Variants in SEMA6D observed in about 807,000 individuals in gnomAD.
The protein encoded by SEMA6D is semaphorin 6D.
SEMA6D carries 35 observed loss-of-function variants against 106.6 expected under a neutral mutation model. That is an observed-to-expected ratio of 0.33 (90% CI 0.25 to 0.44). SEMA6D has a LOEUF of 0.44. Ranked by LOEUF, SEMA6D falls within the 20% of genes least tolerant of loss-of-function variation. SEMA6D has a pLI of 1.00. For missense variants in SEMA6D, 1,185 were observed against 1,345.9 expected (o/e 0.88, Z 1.87); for synonymous variants, 499 against 487.7 (o/e 1.02, Z -0.31).
At chr15:47,294,802 C>T (rs1037577913) in intron 1 of SEMA6D, among the ~76,000 whole-genome samples, 55 of 152,202 alleles carry the variant, frequency 3.6e-4, no homozygotes, top group African/African-American at 1.2e-3. Flanking sequence ...GAAATGTATA[C>T]GTTGTTTAAA....
chr15:47,679,105 T>C (rs2078298973), intron 4 of SEMA6D, among the ~76,000 whole-genome samples: 2 of 152,218 alleles, frequency 1.3e-5, no homozygotes, highest in African/African-American at 2.4e-5. Flanking sequence ...GCACATAGAA[T>C]TGATTAATAT....
intron 1 of SEMA6D, chr15:47,380,440 G>C (rs1054158461): frequency 6.6e-5 from 10 of 152,118 alleles, no homozygotes; most frequent in African/African-American, 2.4e-4. Context: ...CCCCCAAAAC[G>C]TTTGCAGTTA....
chr15:47,209,188 A>T (rs180910654), intron 1 of SEMA6D, among the ~76,000 whole-genome samples: 2 of 152,340 alleles, frequency 1.3e-5, no homozygotes, highest in Non-Finnish European at 2.9e-5. Context: ...ATATTAGTAC[A>T]TGGGGAAATA....
intron 2 of SEMA6D, among the ~76,000 whole-genome samples, chr15:47,442,358 G>T (rs1294433866): frequency 2.6e-5 from 4 of 152,082 alleles, no homozygotes; most frequent in African/African-American, 7.2e-5. Context: ...AGAAAGGGGA[G>T]ACTTGGCTGC....
chr15:47,576,589 G>A (rs556574747), intron 3 of SEMA6D, among the ~76,000 whole-genome samples: 373 of 152,210 alleles, frequency 2.5e-3, no homozygotes, highest in African/African-American at 8.6e-3. Context: ...CCAGACCAGC[G>A]GTCACTGAGG....
At chr15:47,272,843 C>G (rs1339400539) in intron 1 of SEMA6D, 2 of 152,366 alleles carry the variant, frequency 1.3e-5, no homozygotes, top group Non-Finnish European at 2.9e-5. Flanking sequence ...GGTGATTTAC[C>G]AGGCAGACCT....
chr15:47,563,190 C>T (rs556009709), intron 3 of SEMA6D, among the ~76,000 whole-genome samples: 5 of 152,222 alleles, frequency 3.3e-5, no homozygotes, highest in African/African-American at 4.8e-5. Context: ...ATCGAAGCTG[C>T]AATTGATTAC....
chr15:47,424,399 A>G (rs908533007), intron 2 of SEMA6D, among the ~76,000 whole-genome samples: 12 of 152,148 alleles, frequency 7.9e-5, no homozygotes, highest in Admixed American at 2.0e-4. Context: ...TGTGCTTTCA[A>G]TTGCTTCTAT....
intron 3 of SEMA6D, among the ~76,000 whole-genome samples, chr15:47,471,512 A>T (rs143056644): frequency 0.016 from 2,370 of 152,284 alleles, 46 homozygotes; most frequent in African/African-American, 0.036. Flanking sequence ...TCAGCCTTTA[A>T]GTCCTACACA....
At chr15:47,647,846 C>T (rs1376358830) in intron 4 of SEMA6D, among the ~76,000 whole-genome samples, 1 of 151,980 alleles carries the variant, frequency 6.6e-6, no homozygotes, top group Non-Finnish European at 1.5e-5. Flanking sequence ...TGCTCAGAAA[C>T]AAAGCTGTGG....
At position 47,484,437 on chromosome 15, in the gene SEMA6D, C is replaced by T. The variant is rs568831121; in HGVS notation, c.-87+13892C>T. 2.4e-4 allele frequency among the ~76,000 whole-genome samples: 34 copies of T among 140,120 alleles called. No homozygotes were observed. The East Asian group carries it at 7.1e-3, about 29-fold the overall frequency. The allele number at this position is 140,120 out of a possible 152,430, so 91.9% of individuals were successfully genotyped here. On this transcript the variant is annotated intron_variant, in intron 3 of 19. Coordinates refer to the SEMA6D transcript ENST00000558014. Reference sequence around the variant, plus strand: ...GCAAGGCAAGGCTATTTCTGTGGTACTTTCGAAACACCTCCTATGTAACAT... The same window carrying T: ...GCAAGGCAAGGCTATTTCTGTGGTATTTTCGAAACACCTCCTATGTAACAT...
intron 2 of SEMA6D, among the ~76,000 whole-genome samples, chr15:47,427,732 TA>T (rs2041387176): frequency 6.6e-6 from 1 of 152,160 alleles, no homozygotes; most frequent in Non-Finnish European, 1.5e-5. Flanking sequence ...ATAGTGCTTT[TA>T]TAAGCCTTTT....
intron 3 of SEMA6D, among the ~76,000 whole-genome samples, chr15:47,568,655 G>A (rs545067637): frequency 2.9e-4 from 44 of 152,130 alleles, no homozygotes; most frequent in Admixed American, 6.5e-4. Context: ...GAGCATATAA[G>A]TATTTATTAT....
chr15:47,330,159 T>C (rs2037287294), intron 1 of SEMA6D, among the ~76,000 whole-genome samples: 1 of 152,216 alleles, frequency 6.6e-6, no homozygotes, highest in African/African-American at 2.4e-5. Flanking sequence ...TTTCCCATTT[T>C]GCTCTTCTTT....
chr15:47,335,075 G>A (rs535027), intron 1 of SEMA6D, among the ~76,000 whole-genome samples: 48,919 of 151,904 alleles, frequency 0.32, 9,476 homozygotes, highest in East Asian at 0.55. Context: ...GCAACAGAAA[G>A]TACCTCAAAG....
At chr15:47,311,788 G>A (rs1022702894) in intron 1 of SEMA6D, among the ~76,000 whole-genome samples, 1 of 152,144 alleles carries the variant, frequency 6.6e-6, no homozygotes, top group Non-Finnish European at 1.5e-5. Context: ...TTGCCTATGG[G>A]AAATCTCTTT....
At chr15:47,741,714 A>G (rs930321218) in intron 1 of SEMA6D, among the ~76,000 whole-genome samples, 4 of 147,566 alleles carry the variant, frequency 2.7e-5, no homozygotes, top group Non-Finnish European at 4.5e-5. Flanking sequence ...AACTCCATCT[A>G]AAAAAAAAAA....
chr15:47,277,404 A>G (rs2034870033), intron 1 of SEMA6D, among the ~76,000 whole-genome samples: 1 of 151,980 alleles, frequency 6.6e-6, no homozygotes, highest in Admixed American at 6.6e-5. Context: ...GTCTTATTTC[A>G]AGAAATTGGC....
intron 4 of SEMA6D, among the ~76,000 whole-genome samples, chr15:47,604,866 A>AT (rs56218960): frequency 0.24 from 35,268 of 144,086 alleles, 4,938 homozygotes; most frequent in Middle Eastern, 0.41. Flanking sequence ...TGCCTGGCTA[A>AT]TTTTTTTTTT....
Sources: gnomAD v4.1 joint callset for allele counts (sites outside exome capture counted in the v4.1 genomes callset) on GRCh38, gnomAD v4.1.1 for gene constraint, MANE v1.5 for transcripts, NCBI Gene and HGNC (gene_info 2026-07-23, HGNC 2026-07-21) for gene names.